ZCCHC7: variants seen among roughly 807,000 people sequenced by gnomAD.
ZCCHC7 encodes the protein zinc finger CCHC domain-containing protein 7.
Under a neutral mutation model 52.0 loss-of-function variants are expected in ZCCHC7, and 35 were observed. The ratio of observed to expected loss-of-function variants is 0.67; its 90% CI spans 0.51 to 0.89. The LOEUF (loss-of-function observed/expected upper bound fraction) is 0.89. Among genes scored for constraint, ZCCHC7 ranks in the 40% least tolerant of loss-of-function variants. The pLI, the probability that ZCCHC7 is intolerant of heterozygous loss-of-function variation, is 0.00. For missense variants in ZCCHC7, 574 were observed against 649.1 expected (o/e 0.88, Z 1.26); for synonymous variants, 217 against 221.5 (o/e 0.98, Z 0.18).
At chr9:37,194,117 A>C (rs1823160646) in intron 2 of ZCCHC7, among the ~76,000 whole-genome samples, 1 of 152,188 alleles carries the variant, frequency 6.6e-6, no homozygotes, top group African/African-American at 2.4e-5. Context: ...GTTTTCATAC[A>C]AATGTGGATA....
At chr9:37,157,385 G>C (rs1021813840) in intron 2 of ZCCHC7, among the ~76,000 whole-genome samples, 1 of 152,000 alleles carries the variant, frequency 6.6e-6, no homozygotes, top group Non-Finnish European at 1.5e-5. Flanking sequence ...AGCTACTTGG[G>C]GAAACTGAGG....
At chr9:37,152,073 T>A (rs1221997482) in intron 2 of ZCCHC7, among the ~76,000 whole-genome samples, 1 of 152,140 alleles carries the variant, frequency 6.6e-6, no homozygotes. Flanking sequence ...AGACTAACAG[T>A]AATGGTAGTA....
At chr9:37,156,724 A>T (rs1293790483) in intron 2 of ZCCHC7, among the ~76,000 whole-genome samples, 1 of 152,218 alleles carries the variant, frequency 6.6e-6, no homozygotes, top group African/African-American at 2.4e-5. Flanking sequence ...TAGATGGTTA[A>T]TGGGAATGTT....
chr9:37,215,273 C>T (rs899745714), intron 2 of ZCCHC7, among the ~76,000 whole-genome samples: 2 of 152,058 alleles, frequency 1.3e-5, no homozygotes, highest in African/African-American at 2.4e-5. Context: ...AGATAAATGA[C>T]ATTATGGTAA....
intron 7 of ZCCHC7, among the ~76,000 whole-genome samples, chr9:37,349,934 C>T (rs1428503237): frequency 6.6e-6 from 1 of 151,688 alleles, no homozygotes; most frequent in African/African-American, 2.4e-5. Flanking sequence ...ATTACAGGCG[C>T]CTGCCACCAC....
chr9:37,181,323 T>G lies in ZCCHC7; in HGVS notation c.610+54381T>G, dbSNP rs1017880712. On this transcript the variant is annotated intron_variant, in intron 2 of 8. Coordinates refer to ENST00000336755, the MANE Select transcript of ZCCHC7 (RefSeq NM_032226.3). ...ACCTAAGGAAGAAGGTATGACTACT[T>G]CAAATTGTTTCATCACTTAGTTTGA... Among the ~76,000 whole-genome samples the G allele has an allele frequency of 3.3e-5, 5 of 152,214 alleles. No homozygotes were observed. The East Asian group carries it at 7.7e-4, about 23-fold the overall frequency.
chr9:37,127,277 C>T (rs931013300), intron 2 of ZCCHC7, among the ~76,000 whole-genome samples: 2 of 152,166 alleles, frequency 1.3e-5, no homozygotes, highest in African/African-American at 4.8e-5. Context: ...AGTACTCCAT[C>T]CACCTCTGGC....
At position 37,267,090 on chromosome 9, in the gene ZCCHC7, G is replaced by A. The variant is rs968839117; in HGVS notation, c.611-35098G>A. Among the ~76,000 whole-genome samples the A allele has an allele frequency of 4.6e-5, 7 of 152,134 alleles. No homozygotes were observed. The East Asian group carries it at 1.3e-3, about 29-fold the overall frequency. On this transcript the variant is annotated intron_variant, in intron 2 of 8. Coordinates refer to ENST00000336755, the MANE Select transcript of ZCCHC7 (RefSeq NM_032226.3). ...CAATTAATTTATCCATTCAGGCCCAGTTTCAAAGGCTTTGGAAGATGGGTT... is the reference window on the plus strand; with the variant it reads ...CAATTAATTTATCCATTCAGGCCCAATTTCAAAGGCTTTGGAAGATGGGTT...
intron 2 of ZCCHC7, among the ~76,000 whole-genome samples, chr9:37,167,259 C>CTT (rs1285714723): frequency 1.4e-5 from 2 of 140,792 alleles, no homozygotes; most frequent in Non-Finnish European, 1.6e-5. Context: ...TGTAGCTTTC[C>CTT]TTTTTTTTTT....
chr9:37,320,992 T>TC (rs1362154886), intron 5 of ZCCHC7, among the ~76,000 whole-genome samples: 3 of 145,648 alleles, frequency 2.1e-5, no homozygotes, highest in Non-Finnish European at 4.5e-5. Context: ...TTTTTCTTTT[T>TC]TTTTTTTTTT....
At chr9:37,335,553 T>G (rs1358727020) in intron 6 of ZCCHC7, among the ~76,000 whole-genome samples, 1 of 152,154 alleles carries the variant, frequency 6.6e-6, no homozygotes, top group Non-Finnish European at 1.5e-5. Flanking sequence ...ACAGAGCATG[T>G]TAAACACTAT....
At chr9:37,179,969 C>T (rs933113314) in intron 2 of ZCCHC7, among the ~76,000 whole-genome samples, 42 of 152,210 alleles carry the variant, frequency 2.8e-4, no homozygotes, top group East Asian at 1.4e-3. Context: ...GGGTAGTACA[C>T]CCCTGCTGGC....
intron 2 of ZCCHC7, among the ~76,000 whole-genome samples, chr9:37,149,160 C>T (rs1843572101): frequency 2.0e-5 from 3 of 152,098 alleles, no homozygotes; most frequent in Admixed American, 6.6e-5. Flanking sequence ...TTTGTAATAG[C>T]TTAATTTCAT....
intron 5 of ZCCHC7, among the ~76,000 whole-genome samples, chr9:37,318,574 CTA>C (rs1268149588): frequency 6.6e-6 from 1 of 151,868 alleles, no homozygotes; most frequent in Admixed American, 6.6e-5. Flanking sequence ...AATTAGACTT[CTA>C]TATATATGTG....
At chr9:37,148,326 T>C (rs1439912395) in intron 2 of ZCCHC7, among the ~76,000 whole-genome samples, 1 of 151,932 alleles carries the variant, frequency 6.6e-6, no homozygotes, top group Non-Finnish European at 1.5e-5. Flanking sequence ...AGGTAAGAGG[T>C]GAGTGGCATA....
chr9:37,131,275 G>A (rs1208717984), intron 2 of ZCCHC7, among the ~76,000 whole-genome samples: 5 of 151,112 alleles, frequency 3.3e-5, no homozygotes, highest in African/African-American at 1.2e-4. Flanking sequence ...GGGAGGCAGA[G>A]TTTGCAGTGA....
chr9:37,140,127 G>A (rs1056232243), intron 2 of ZCCHC7, among the ~76,000 whole-genome samples: 3 of 151,996 alleles, frequency 2.0e-5, no homozygotes, highest in African/African-American at 7.2e-5. Context: ...AATCAATCCT[G>A]TAAGTTAGTC....
At chr9:37,281,906 G>T (rs1309224918) in intron 2 of ZCCHC7, among the ~76,000 whole-genome samples, 1 of 152,110 alleles carries the variant, frequency 6.6e-6, no homozygotes, top group Admixed American at 6.5e-5. Flanking sequence ...CTAAATACTC[G>T]TTAATATTCT....
chr9:37,311,666 TC>T (rs748395998), intron 5 of ZCCHC7, among the ~76,000 whole-genome samples: 9 of 152,320 alleles, frequency 5.9e-5, no homozygotes, highest in Non-Finnish European at 1.2e-4. Flanking sequence ...CGCCTTGGCC[TC>T]CCAAAGCGCT....
Sources: gnomAD v4.1 joint callset for allele counts (sites outside exome capture counted in the v4.1 genomes callset) on GRCh38, gnomAD v4.1.1 for gene constraint, MANE v1.5 for transcripts, NCBI Gene and HGNC (gene_info 2026-07-23, HGNC 2026-07-21) for gene names.